SCUBE1: variants seen among roughly 807,000 people sequenced by gnomAD.
SCUBE1 encodes the protein signal peptide, CUB domain and EGF like domain containing 1.
A neutral mutation model predicts 124.4 loss-of-function variants in SCUBE1; 59 were observed. The observed-to-expected ratio is 0.47, with a 90% confidence interval of 0.38 to 0.59. The LOEUF is 0.59. SCUBE1 is among the 20% of genes least tolerant of loss of function. SCUBE1 has a pLI of 0.00. For synonymous variants in SCUBE1, 545 were observed against 550.9 expected (o/e 0.99, Z 0.15); for missense variants, 1,150 against 1,371.2 (o/e 0.84, Z 2.55).
intron 12 of SCUBE1, among the ~76,000 whole-genome samples, chr22:43,222,256 C>G (rs533348998): frequency 4.6e-5 from 7 of 152,204 alleles, no homozygotes; most frequent in African/African-American, 1.4e-4. Context: ...TGCACCTCGG[C>G]GCTTCTTGGC....
At chr22:43,292,720 T>C (rs1188344291) in intron 3 of SCUBE1, among the ~76,000 whole-genome samples, 1 of 152,202 alleles carries the variant, frequency 6.6e-6, no homozygotes, top group Non-Finnish European at 1.5e-5. Flanking sequence ...GACTTGGCTG[T>C]GGAGCGATTT....
intron 4 of SCUBE1, among the ~76,000 whole-genome samples, chr22:43,274,472 C>A (rs1420355539): frequency 6.6e-6 from 1 of 152,242 alleles, no homozygotes; most frequent in Admixed American, 6.5e-5. Context: ...CTAGTGCCAC[C>A]CTTAGCTCCT....
chr22:43,289,777 C>G lies in SCUBE1; in HGVS notation c.484+1269G>C, dbSNP rs553528820. Among the ~76,000 whole-genome samples the G allele has an allele frequency of 1.4e-4, 22 of 152,300 alleles. No homozygotes were observed. The South Asian group carries it at 2.5e-3, about 17-fold the overall frequency. On this transcript the variant is annotated intron_variant, in intron 4 of 21. Transcript: ENST00000360835. ...GAATCTGGGGAGCAGTCAGTAGAGC[C>G]GCCCATGGGAAGGCTTCCAGCGTGG...
intron 3 of SCUBE1, among the ~76,000 whole-genome samples, chr22:43,312,876 G>C (rs1439344958): frequency 1.3e-5 from 2 of 152,206 alleles, no homozygotes; most frequent in Non-Finnish European, 2.9e-5. Flanking sequence ...GCCCTGGCCA[G>C]CCTCCCGGAG....
chr22:43,328,980 C>T (rs1333083390), intron 2 of SCUBE1, among the ~76,000 whole-genome samples: 3 of 152,234 alleles, frequency 2.0e-5, no homozygotes, highest in Non-Finnish European at 4.4e-5. Flanking sequence ...GCAGGCTGGT[C>T]CCAGACTCTA....
intron 8 of SCUBE1, among the ~76,000 whole-genome samples, chr22:43,229,610 G>T (rs1219944919): frequency 6.6e-6 from 1 of 152,110 alleles, no homozygotes; most frequent in Admixed American, 6.5e-5. Context: ...AGGCCTCTTG[G>T]ATGCTGACCA....
At chr22:43,334,210 A>G (rs919087752) in intron 2 of SCUBE1, among the ~76,000 whole-genome samples, 2 of 152,242 alleles carry the variant, frequency 1.3e-5, no homozygotes, top group African/African-American at 4.8e-5. Context: ...CTGCTATGGC[A>G]GAAGGTGATG....
chr22:43,214,046 C>CCGGGGGGGGGG, intron 16 of SCUBE1, 44 bp downstream of exon 16: 1 of 422,702 alleles, frequency 2.4e-6, no homozygotes, highest in Non-Finnish European at 4.1e-6. Context: ...GAGGAGCCCC[C>CCGGGGGGGGGG]GCCCACCCCC....
At chr22:43,335,739 G>GTGATGA (rs572505909) in intron 2 of SCUBE1, among the ~76,000 whole-genome samples, 13 of 147,454 alleles carry the variant, frequency 8.8e-5, no homozygotes, top group African/African-American at 2.5e-4. Context: ...GTGAGAACAG[G>GTGATGA]TGATGATGAT....
At chr22:43,319,275 C>T (rs1268952069) in intron 3 of SCUBE1, among the ~76,000 whole-genome samples, 1 of 151,948 alleles carries the variant, frequency 6.6e-6, no homozygotes, top group Non-Finnish European at 1.5e-5. Flanking sequence ...TAGGGCCAGG[C>T]GCAGTGGCTG....
intron 7 of SCUBE1, among the ~76,000 whole-genome samples, chr22:43,237,357 T>G (rs1922811176): frequency 6.6e-6 from 1 of 152,226 alleles, no homozygotes; most frequent in East Asian, 1.9e-4. Flanking sequence ...AGCCCCAGCC[T>G]TGCCCAAGGA....
At chr22:43,253,368 G>T (rs1923531574) in intron 6 of SCUBE1, among the ~76,000 whole-genome samples, 1 of 152,184 alleles carries the variant, frequency 6.6e-6, no homozygotes, top group South Asian at 2.1e-4. Flanking sequence ...CCCGGGTCTG[G>T]TTCCTAGTTC....
At chr22:43,209,931 G>A in intron 19 of SCUBE1, 112 bp downstream of exon 19, 1 of 1,181,806 alleles carries the variant, frequency 8.5e-7, no homozygotes, top group Non-Finnish European at 1.2e-6. Context: ...CTGAGCCCCA[G>A]GGCCCTCCTC....
At position 43,199,747 on chromosome 22, in the gene SCUBE1, T is replaced by C. The variant is rs1395414109; in HGVS notation, c.*4250A>G. On this transcript the variant is annotated 3_prime_UTR_variant, in exon 22 of 22. Transcript: ENST00000360835. Reference sequence around the variant, plus strand: ...GAGGCTGGGGAGCGTAGGCTGATTCTGCTGCTTGAGAGGAGGGAGGTTGGT... The same window carrying C: ...GAGGCTGGGGAGCGTAGGCTGATTCCGCTGCTTGAGAGGAGGGAGGTTGGT... 6.4e-6 allele frequency: 1 copy of C among 155,390 alleles called. No individual in the cohort carries two copies. Among genetic ancestry groups the C allele is most frequent in the East Asian group, 1.9e-4 (1 of 5,198 alleles). 9.6% of individuals were successfully genotyped at this position (155,390 alleles called of 1,614,324 possible). A position where few individuals can be genotyped will look rare whatever the true frequency, so the allele number is the denominator to read the frequency against.
chr22:43,227,900 A>G (rs1487100749), intron 9 of SCUBE1, among the ~76,000 whole-genome samples: 1 of 152,146 alleles, frequency 6.6e-6, no homozygotes, highest in African/African-American at 2.4e-5. Context: ...CCTGTGGTAC[A>G]ACAGACACCA....
At chr22:43,309,252 G>A (rs1041770770) in intron 3 of SCUBE1, among the ~76,000 whole-genome samples, 1 of 152,248 alleles carries the variant, frequency 6.6e-6, no homozygotes, top group African/African-American at 2.4e-5. Flanking sequence ...ACTATGGTAT[G>A]TGTTTTACAA....
chr22:43,340,851 G>A (rs1471993318), intron 1 of SCUBE1, among the ~76,000 whole-genome samples: 8 of 152,162 alleles, frequency 5.3e-5, no homozygotes, highest in Non-Finnish European at 1.2e-4. Context: ...GGTAAGCTTG[G>A]AATGTCCCCA....
chr22:43,243,594 GC>G (rs904532809), intron 6 of SCUBE1, among the ~76,000 whole-genome samples: 5 of 152,212 alleles, frequency 3.3e-5, no homozygotes, highest in African/African-American at 4.8e-5. Flanking sequence ...TGCTTACGCC[GC>G]CCCAGGTCTG....
chr22:43,250,146 C>G (rs1923383322), intron 6 of SCUBE1, among the ~76,000 whole-genome samples: 2 of 152,264 alleles, frequency 1.3e-5, no homozygotes, highest in Admixed American at 6.5e-5. Context: ...TTCGCCTGAG[C>G]AAGCAAAGCT....
Sources: allele counts gnomAD v4.1 joint callset (sites outside exome capture counted in the v4.1 genomes callset), GRCh38; gene constraint gnomAD v4.1.1; transcripts MANE v1.5; gene names NCBI Gene and HGNC (gene_info 2026-07-23, HGNC 2026-07-21).